The following RAD52 variants were observed in gnomAD, a reference collection of about 807,000 sequenced individuals.
RAD52 encodes DNA repair protein RAD52 homolog.
Under a neutral mutation model 55.5 loss-of-function variants are expected in RAD52, and 47 were observed. That is an observed-to-expected ratio of 0.85 (90% CI 0.67 to 1.08). The LOEUF is 1.08. Ranked by LOEUF, RAD52 falls within the 50% of genes least tolerant of loss-of-function variation. The pLI, the probability that RAD52 is intolerant of heterozygous loss-of-function variation, is 0.00. For synonymous variants in RAD52, 184 were observed against 198.9 expected (o/e 0.92, Z 0.63); for missense variants, 468 against 522.8 (o/e 0.90, Z 1.02).
chr12:975,140 G>GTATAGGAAAA (rs1336973203), intron 1 of RAD52: 1 of 149,200 alleles, frequency 6.7e-6, no homozygotes, highest in Non-Finnish European at 1.5e-5. Context: ...AGGTATGTAT[G>GTATAGGAAAA]TATAGGAAAA....
intron 1 of RAD52, among the ~76,000 whole-genome samples, chr12:944,623 A>C (rs1565688975): frequency 1.3e-5 from 2 of 151,778 alleles, no homozygotes; most frequent in East Asian, 1.9e-4. Flanking sequence ...AAAAAAAAAA[A>C]AAAAACTCAG....
rs60090525 is a variant in RAD52, at chr12:912,722, CA to C, written c.*668del. ...AGGGCAACACAGCCAGACCCCGTCTCAAAAAAAAAAAAAAAAAAAAAAACAA... is the reference window on the plus strand; with the variant it reads ...AGGGCAACACAGCCAGACCCCGTCTCAAAAAAAAAAAAAAAAAAAAAACAA... On this transcript the variant is annotated 3_prime_UTR_variant, in exon 12 of 12. Transcript: ENST00000358495. 6,611 of 73,420 alleles carry C rather than the reference CA, an allele frequency of 0.09. 94 individuals carry two copies. Among genetic ancestry groups the C allele is most frequent in the South Asian group, 0.13 (231 of 1,754 alleles). The allele number at this position is 73,420 out of a possible 1,614,324, so 4.5% of individuals were successfully genotyped here.
chr12:977,010 C>A (rs1313480976), intron 1 of RAD52: 2 of 152,442 alleles, frequency 1.3e-5, no homozygotes, highest in African/African-American at 4.8e-5. Flanking sequence ...TTAGCCGTGG[C>A]GAGTCTGAGT....
chr12:944,631 CA>C (rs1958106139), intron 1 of RAD52, among the ~76,000 whole-genome samples: 1 of 144,584 alleles, frequency 6.9e-6, no homozygotes, highest in Admixed American at 6.9e-5. Flanking sequence ...AAAAAAAACT[CA>C]GGGGTAGAAG....
Position 912,746 on chromosome 12 carries a change from CAAAA to C in RAD52, c.*641_*644del, listed in dbSNP as rs60815165. The C allele has an allele frequency of 3.9e-4, 38 of 97,974 alleles. No individual in the cohort carries two copies. Among genetic ancestry groups the C allele is most frequent in the African/African-American group, 7.4e-4 (18 of 24,284 alleles). 6.1% of individuals were successfully genotyped at this position (97,974 alleles called of 1,614,324 possible). A position where few individuals can be genotyped will look rare whatever the true frequency, so the allele number is the denominator to read the frequency against. Reference sequence around the variant, plus strand: ...TCAAAAAAAAAAAAAAAAAAAAAAACAAAAAACAGCCTTTTTTCGTGGTCTTAGA... The same window carrying C: ...TCAAAAAAAAAAAAAAAAAAAAAAACAACAGCCTTTTTTCGTGGTCTTAGA... On this transcript the variant is annotated 3_prime_UTR_variant, in exon 12 of 12. Transcript: ENST00000358495.
intron 2 of RAD52, among the ~76,000 whole-genome samples, 156 bp downstream of exon 2, chr12:932,819 A>C (rs1335913915): frequency 1.5e-5 from 1 of 68,526 alleles, no homozygotes; most frequent in African/African-American, 3.7e-5. Flanking sequence ...CTGCTCACAC[A>C]CGTACTAGGT....
At position 920,136 on chromosome 12, in the gene RAD52, G is replaced by T. The variant is rs1956637936; in HGVS notation, c.544-3316C>A. Among the ~76,000 whole-genome samples, 2 of 113,430 alleles carry T rather than the reference G, an allele frequency of 1.8e-5. 1 individual carries two copies. Among genetic ancestry groups the T allele is most frequent in the Admixed American group, 1.7e-4 (2 of 11,654 alleles). The allele number at this position is 113,430 out of a possible 152,430, so 74.4% of individuals were successfully genotyped here. ...GGAGGCTGAGGCAGGAGAACTGCTTGAACCCAGGAGGCAAAGGATGCAGTG... is the reference window on the plus strand; with the variant it reads ...GGAGGCTGAGGCAGGAGAACTGCTTTAACCCAGGAGGCAAAGGATGCAGTG... On this transcript the variant is annotated intron_variant, in intron 7 of 11. Transcript: ENST00000358495.
At chr12:922,582 G>C (rs1011245905) in intron 7 of RAD52, among the ~76,000 whole-genome samples, 2 of 152,148 alleles carry the variant, frequency 1.3e-5, no homozygotes, top group African/African-American at 2.4e-5. Flanking sequence ...CTACATGGAT[G>C]AATCTTAAAG....
rs60090525 is a variant in RAD52, at chr12:912,722, CAAAAA to C, written c.*664_*668del. The C allele has an allele frequency of 0.17, 12,155 of 73,556 alleles. 488 individuals are homozygous for C. Among genetic ancestry groups the C allele is most frequent in the East Asian group, 0.28 (741 of 2,618 alleles). 4.6% of individuals were successfully genotyped at this position (73,556 alleles called of 1,614,324 possible). A position where few individuals can be genotyped will look rare whatever the true frequency, so the allele number is the denominator to read the frequency against. On this transcript the variant is annotated 3_prime_UTR_variant, in exon 12 of 12. Coordinates refer to ENST00000358495, the MANE Select transcript of RAD52 (RefSeq NM_134424.4). ...AGGGCAACACAGCCAGACCCCGTCTCAAAAAAAAAAAAAAAAAAAAAAACAAAAAA... is the reference window on the plus strand; with the variant it reads ...AGGGCAACACAGCCAGACCCCGTCTCAAAAAAAAAAAAAAAAAACAAAAAA...
intron 5 of RAD52, among the ~76,000 whole-genome samples, chr12:928,905 T>TC (rs1453115800): frequency 6.6e-6 from 1 of 152,156 alleles, no homozygotes; most frequent in Admixed American, 6.6e-5. Flanking sequence ...TTTCTTTTTT[T>TC]CCACCCAGGA....
chr12:956,634 T>TC (rs1439433394), intron 1 of RAD52, among the ~76,000 whole-genome samples: 1 of 152,060 alleles, frequency 6.6e-6, no homozygotes, highest in African/African-American at 2.4e-5. Context: ...GCAACCTCCG[T>TC]CTCCCGGGCT....
At chr12:990,365 A>AC (rs71441635), upstream of RAD52, 10 of 151,826 alleles carry the variant, frequency 6.6e-5, no homozygotes, top group African/African-American at 1.7e-4. Flanking sequence ...CAAAAAAAAA[A>AC]CAAAAAACAA....
intron 5 of RAD52, among the ~76,000 whole-genome samples, chr12:929,444 G>C (rs770781832): frequency 5.9e-5 from 9 of 152,058 alleles, no homozygotes; most frequent in African/African-American, 9.7e-5. Flanking sequence ...ACATATTTTT[G>C]TTTTCATCAA....
At chr12:935,022 G>A (rs1345236424) in intron 1 of RAD52, among the ~76,000 whole-genome samples, 1 of 152,086 alleles carries the variant, frequency 6.6e-6, no homozygotes, top group Non-Finnish European at 1.5e-5. Context: ...GGCTGAGGCA[G>A]GAGAATCACT....
At chr12:914,679 G>A in intron 9 of RAD52, 147 bp from the exon 10 acceptor site, 1 of 901,238 alleles carries the variant, frequency 1.1e-6, no homozygotes, top group Admixed American at 3.0e-5. Context: ...CCAGTAAAAA[G>A]AACTTCAGCT....
rs147373998 is a variant in RAD52, at chr12:917,056, A to G, written c.544-236T>C. ...TTTTGACTTAGGGCAGATGTTCTGT[A>G]AAATCGCATTTGAATCTTTCCTGGG... On this transcript the variant is annotated intron_variant, in intron 7 of 11. Coordinates refer to ENST00000358495, the MANE Select transcript of RAD52 (RefSeq NM_134424.4). 7.9e-4 allele frequency among the ~76,000 whole-genome samples: 120 copies of G among 152,342 alleles called. 1 individual carries two copies. The highest frequency in any genetic ancestry group is 6.8e-3 in the Middle Eastern group (2 of 294).
chr12:940,652 C>G (rs1186250167), intron 1 of RAD52, among the ~76,000 whole-genome samples: 1 of 151,838 alleles, frequency 6.6e-6, no homozygotes, highest in Non-Finnish European at 1.5e-5. Flanking sequence ...GAAAGGGTAC[C>G]CTCTGAAAAC....
intron 7 of RAD52, among the ~76,000 whole-genome samples, chr12:924,089 A>G (rs972711830): frequency 1.3e-5 from 2 of 148,490 alleles, no homozygotes; most frequent in Non-Finnish European, 3.0e-5. Flanking sequence ...AACTTGACTA[A>G]TATCTCTCAT....
In RAD52 at chr12:947,637, A is replaced by G. The variant is rs543781838; in HGVS notation, c.-19+1965T>C. Among the ~76,000 whole-genome samples, 3 of 151,080 alleles carry G rather than the reference A, an allele frequency of 2.0e-5. No individual in the cohort carries two copies. In the South Asian group the frequency reaches 6.3e-4, roughly 32 times the overall value. ...CGCGGTGGCTCACACCTGTAATCCC[A>G]GCACTTTGGGAGGCCGAGATGGGTG... On this transcript the variant is annotated intron_variant, in intron 1 of 11. Coordinates refer to ENST00000358495, the MANE Select transcript of RAD52 (RefSeq NM_134424.4).
Sources: gnomAD v4.1 joint callset for allele counts (sites outside exome capture counted in the v4.1 genomes callset) on GRCh38, gnomAD v4.1.1 for gene constraint, MANE v1.5 for transcripts, NCBI Gene and HGNC (gene_info 2026-07-23, HGNC 2026-07-21) for gene names.